The following CDH23 variants were observed in gnomAD, a reference collection of about 807,000 sequenced individuals.
The protein encoded by CDH23 is cadherin-23.
CDH23 carries 189 observed loss-of-function variants against 317.1 expected under a neutral mutation model. That is an observed-to-expected ratio of 0.60 (90% CI 0.53 to 0.67). The LOEUF (loss-of-function observed/expected upper bound fraction) is 0.67, where lower values mean the gene tolerates loss of function less well. CDH23 is among the 30% of genes least tolerant of loss of function. The pLI, the probability that CDH23 is intolerant of heterozygous loss-of-function variation, is 0.00. For missense variants in CDH23, 4,401 were observed against 4,592.4 expected (o/e 0.96, Z 1.20); for synonymous variants, 1,839 against 1,876.8 (o/e 0.98, Z 0.52).
intron 38 of CDH23, chr10:71,773,322 A>G: frequency 1.3e-6 from 2 of 1,571,792 alleles, no homozygotes; most frequent in East Asian, 2.3e-5. Context: ...GTCTTCTCCC[A>G]GCTTTTTCCC....
chr10:71,629,419 G>A (rs536459338), intron 11 of CDH23, among the ~76,000 whole-genome samples: 1 of 152,332 alleles, frequency 6.6e-6, no homozygotes, highest in Non-Finnish European at 1.5e-5. Flanking sequence ...AAGGGCAGGT[G>A]CAGTGGCTCT....
At chr10:71,523,532 C>T (rs559996004) in intron 6 of CDH23, among the ~76,000 whole-genome samples, 26 of 152,182 alleles carry the variant, frequency 1.7e-4, no homozygotes, top group Middle Eastern at 3.2e-3. Flanking sequence ...CTAAAGTGTG[C>T]TGGCGATTAC....
chr10:71,590,893 A>C (rs1166529116), intron 9 of CDH23, among the ~76,000 whole-genome samples: 1 of 140,672 alleles, frequency 7.1e-6, no homozygotes, highest in African/African-American at 2.7e-5. Flanking sequence ...AAAACAAAAA[A>C]AAACAAAAAA....
intron 6 of CDH23, among the ~76,000 whole-genome samples, chr10:71,529,424 C>T (rs1855230725): frequency 6.6e-6 from 1 of 152,198 alleles, no homozygotes; most frequent in African/African-American, 2.4e-5. Flanking sequence ...CCCAGCACTG[C>T]TCACTGCTCA....
chr10:71,747,391 A>G (rs1839877270), intron 38 of CDH23, among the ~76,000 whole-genome samples: 1 of 152,246 alleles, frequency 6.6e-6, no homozygotes, highest in African/African-American at 2.4e-5. Context: ...GAGCACAGAT[A>G]GGAACGTTTC....
chr10:71,531,029 C>T (rs1001160279), intron 6 of CDH23, among the ~76,000 whole-genome samples: 7 of 152,350 alleles, frequency 4.6e-5, no homozygotes, highest in African/African-American at 4.8e-5. Context: ...GGCATCTCTA[C>T]ATCATAAGAA....
chr10:71,560,733 T>A (rs1589209227), intron 6 of CDH23, among the ~76,000 whole-genome samples: 1 of 152,002 alleles, frequency 6.6e-6, no homozygotes, highest in Non-Finnish European at 1.5e-5. Flanking sequence ...AGCAGACAGC[T>A]GCCCAGCCTC....
intron 14 of CDH23, among the ~76,000 whole-genome samples, chr10:71,658,777 T>C (rs1332785029): frequency 6.6e-6 from 1 of 152,156 alleles, no homozygotes; most frequent in East Asian, 1.9e-4. Flanking sequence ...CCAGACGGTC[T>C]GACCCCAAAG....
intron 41 of CDH23, among the ~76,000 whole-genome samples, chr10:71,779,670 G>T (rs1369752104): frequency 1.3e-5 from 2 of 152,226 alleles, no homozygotes; most frequent in Non-Finnish European, 2.9e-5. Context: ...ACAAGGGCTG[G>T]TGGCCTTGGA....
chr10:71,644,075 G>A (rs1862708157), intron 12 of CDH23, among the ~76,000 whole-genome samples: 1 of 152,258 alleles, frequency 6.6e-6, no homozygotes, highest in South Asian at 2.1e-4. Flanking sequence ...TCAGCTATTA[G>A]TGCCCCTTCG....
intron 11 of CDH23, among the ~76,000 whole-genome samples, chr10:71,631,505 G>T (rs1329596680): frequency 6.6e-6 from 1 of 152,194 alleles, no homozygotes; most frequent in Non-Finnish European, 1.5e-5. Context: ...CAGAAGACTT[G>T]GAGGCAGCCC....
chr10:71,504,723 G>C (rs917775466), intron 3 of CDH23, among the ~76,000 whole-genome samples: 9 of 152,218 alleles, frequency 5.9e-5, no homozygotes, highest in African/African-American at 1.7e-4. Flanking sequence ...GTCATCCTGG[G>C]ACGGGTGGAG....
rs538975527 is a variant in CDH23, at chr10:71,595,955, T to C, written c.832+17963T>C. ...CTTTCTCTTACCTCTCCAGGGAAAC[T>C]GAAGCCCACACCAACTGACTTTCCT... On this transcript the variant is annotated intron_variant, in intron 9 of 69. Coordinates refer to ENST00000224721, the MANE Select transcript of CDH23 (RefSeq NM_022124.6). Among the ~76,000 whole-genome samples the C allele has an allele frequency of 5.3e-5, 8 of 152,318 alleles. No homozygotes were observed. In the South Asian group the frequency reaches 8.3e-4, roughly 16 times the overall value.
intron 43 of CDH23, 86 bp downstream of exon 43, chr10:71,785,186 A>T (rs1335888016): frequency 8.7e-7 from 1 of 1,147,762 alleles, no homozygotes. Context: ...TGCTGCCACC[A>T]TCTGGGCTCC....
chr10:71,493,823 G>A (rs1336763957), intron 3 of CDH23, among the ~76,000 whole-genome samples: 2 of 152,184 alleles, frequency 1.3e-5, no homozygotes, highest in Non-Finnish European at 2.9e-5. Flanking sequence ...ACTTTGGGAA[G>A]CATTCCTTTA....
At position 71,805,827 on chromosome 10, in the gene CDH23, GTGTAC is replaced by G; in HGVS notation, c.7895_7899del (p.Val2632GlyfsTer9). On this transcript the variant is annotated frameshift_variant, in exon 56 of 70. Coordinates refer to ENST00000224721, the MANE Select transcript of CDH23 (RefSeq NM_022124.6). LOFTEE classifies it high-confidence loss of function. ...ACAGGAGATCCCGCTGCGCTCCAAC[GTGTAC>G]GAGGTCTACGCCACGGACAAGGATG... 1 of 1,613,640 alleles carries G rather than the reference GTGTAC, an allele frequency of 6.2e-7. No individual in the cohort carries two copies. The highest frequency in any genetic ancestry group is 1.1e-5 in the South Asian group (1 of 90,956).
intron 38 of CDH23, among the ~76,000 whole-genome samples, chr10:71,772,358 C>T (rs1430405400): frequency 1.3e-5 from 2 of 152,230 alleles, no homozygotes; most frequent in African/African-American, 4.8e-5. Flanking sequence ...TCCCTCCTGC[C>T]TCCCTCCGAG....
At chr10:71,423,205 C>T (rs1040264058) in intron 1 of CDH23, among the ~76,000 whole-genome samples, 4 of 152,072 alleles carry the variant, frequency 2.6e-5, no homozygotes, top group Middle Eastern at 3.4e-3. Flanking sequence ...ATGGAGGGTT[C>T]GAACGGGGAC....
At chr10:71,444,321 G>A (rs1361159037) in intron 2 of CDH23, among the ~76,000 whole-genome samples, 1 of 152,232 alleles carries the variant, frequency 6.6e-6, no homozygotes, top group African/African-American at 2.4e-5. Flanking sequence ...TTACACATGG[G>A]TAAACTGAGA....
Sources: gnomAD v4.1 joint callset for allele counts (sites outside exome capture counted in the v4.1 genomes callset) on GRCh38, gnomAD v4.1.1 for gene constraint, MANE v1.5 for transcripts, NCBI Gene and HGNC (gene_info 2026-07-23, HGNC 2026-07-21) for gene names.